The following COX6A1 variants were observed in gnomAD, a reference collection of about 807,000 sequenced individuals.
The protein encoded by COX6A1 is cytochrome c oxidase subunit 6A1, mitochondrial.
A neutral mutation model predicts 11.3 loss-of-function variants in COX6A1; 10 were observed. That is an observed-to-expected ratio of 0.88 (90% CI 0.54 to 1.50). The LOEUF is 1.50. Among genes scored for constraint, COX6A1 ranks in the 40% most tolerant of loss-of-function variants. The pLI, the probability that COX6A1 is intolerant of heterozygous loss-of-function variation, is 0.00. For synonymous variants in COX6A1, 81 were observed against 60.6 expected, an observed-to-expected ratio of 1.34 and a Z score of -1.57; for missense variants, 149 against 147.6, an observed-to-expected ratio of 1.01 and a Z score of -0.05.
In COX6A1 at chr12:120,438,120, A is replaced by G. The variant is rs1294727180; in HGVS notation, c.-7A>G. The G allele has an allele frequency of 6.2e-7, 1 of 1,613,020 alleles. No homozygotes were observed. The highest frequency in any genetic ancestry group is 8.5e-7 in the Non-Finnish European group (1 of 1,179,778). ...CGCTTCCGGCGCTGCGGCAGTCCAG[A>G]TCAAAAATGGCGGTAGTTGGTGTGT... On this transcript the variant is annotated 5_prime_UTR_variant, in exon 1 of 3. Coordinates refer to ENST00000229379, the MANE Select transcript of COX6A1 (RefSeq NM_004373.4).
chr12:120,438,787 T>TA, intron 2 of COX6A1: 2 of 289,628 alleles, frequency 6.9e-6, no homozygotes, highest in Non-Finnish European at 1.3e-5. Context: ...CTGAGACAGT[T>TA]CTTTTTTTTT....
intron 2 of COX6A1, among the ~76,000 whole-genome samples, chr12:120,439,603 T>C (rs1484510185): frequency 6.6e-6 from 1 of 152,022 alleles, no homozygotes; most frequent in Non-Finnish European, 1.5e-5. Context: ...GTTATTATTA[T>C]TATTATTATT....
At chr12:120,438,678 A>G in intron 2 of COX6A1, 157 bp downstream of exon 2, 1 of 966,264 alleles carries the variant, frequency 1.0e-6, no homozygotes, top group Non-Finnish European at 1.6e-6. Context: ...GTGGATGGAC[A>G]GCTGACACTT....
intron 2 of COX6A1, chr12:120,439,855 T>TTGC (rs1185096914): frequency 6.6e-6 from 1 of 152,614 alleles, no homozygotes; most frequent in Non-Finnish European, 1.5e-5. Flanking sequence ...GTGGCAGTAG[T>TTGC]ACCTGCGCAA....
At chr12:120,439,448 G>A (rs960772858) in intron 2 of COX6A1, among the ~76,000 whole-genome samples, 22 of 151,934 alleles carry the variant, frequency 1.4e-4, no homozygotes, top group African/African-American at 5.3e-4. Context: ...AATCTAGGAG[G>A]TTGAACCCAG....
intron 2 of COX6A1, chr12:120,438,788 CTT>C (rs376239130): frequency 0.048 from 5,741 of 118,878 alleles, no homozygotes; most frequent in South Asian, 0.11. Flanking sequence ...TGAGACAGTT[CTT>C]TTTTTTTTTT....
In COX6A1 at chr12:120,438,385, T is replaced by C. The variant is rs143732226; in HGVS notation, c.110T>C (p.Met37Thr). 20 of 1,614,074 alleles carry C rather than the reference T, an allele frequency of 1.2e-5. No individual in the cohort carries two copies. The East Asian group carries it at 3.8e-4, about 31-fold the overall frequency. The change falls in exon 2 of 3, where the codon ATG becomes ACG. Residue 37 changes from methionine to threonine, a missense_variant. Met to Thr is a moderately conservative substitution (Grantham distance 81). Coordinates refer to ENST00000229379, the MANE Select transcript of COX6A1 (RefSeq NM_004373.4). Reference protein sequence around the residue: ...GAHGEEGSARMWKTLTFFVAL... With the variant: ...GAHGEEGSARTWKTLTFFVAL... ...GTTTGTGGCTTCTCCGCAGCTCGCATGTGGAAGACTCTCACCTTCTTCGTC... is the reference window on the plus strand; with the variant it reads ...GTTTGTGGCTTCTCCGCAGCTCGCACGTGGAAGACTCTCACCTTCTTCGTC...
chr12:120,439,711 A>G (rs1047311906), intron 2 of COX6A1, among the ~76,000 whole-genome samples: 1 of 152,160 alleles, frequency 6.6e-6, no homozygotes, highest in African/African-American at 2.4e-5. Context: ...TCCTTGTACA[A>G]TGCAATTAGA....
intron 2 of COX6A1, among the ~76,000 whole-genome samples, chr12:120,439,320 A>G (rs569587041): frequency 1.3e-5 from 2 of 152,194 alleles, no homozygotes; most frequent in East Asian, 3.9e-4. Flanking sequence ...GGAGGTCAGG[A>G]GTTCAAGACC....
At chr12:120,440,381 T>C (rs1877692991) in intron 2 of COX6A1, 73 bp from the exon 3 acceptor site, 1 of 1,180,964 alleles carries the variant, frequency 8.5e-7, no homozygotes, top group Non-Finnish European at 1.3e-6. Flanking sequence ...GTCACCCCGT[T>C]ATAAGCAGTT....
chr12:120,440,378 C>T lies in COX6A1; in HGVS notation c.247-76C>T, dbSNP rs1877692858. On this transcript the variant is annotated intron_variant, in intron 2 of 2. Coordinates refer to ENST00000229379, the MANE Select transcript of COX6A1 (RefSeq NM_004373.4). ...TGTTTTTATATATGATCTGTCACCC[C>T]GTTATAAGCAGTTCATGACGGTGTT... The T allele has an allele frequency of 6.2e-6, 7 of 1,136,198 alleles. No homozygotes were observed. In the East Asian group the frequency reaches 9.6e-5, roughly 16 times the overall value. The allele number at this position is 1,136,198 out of a possible 1,614,324, so 70.4% of individuals were successfully genotyped here.
chr12:120,440,534 A>T lies in COX6A1; in HGVS notation c.327A>T (p.Glu109Asp), dbSNP rs1032448408. ...CACTTCCAACTGGCTACGAAGATGAATAAAGAGAATCTGGACCACTACCCG... is the reference window on the plus strand; with the variant it reads ...CACTTCCAACTGGCTACGAAGATGATTAAAGAGAATCTGGACCACTACCCG... ...VNPLPTGYEDE is the reference protein window; with the variant it reads ...VNPLPTGYEDD The change falls in exon 3 of 3, where the codon GAA becomes GAT. Residue 109 changes from glutamate to aspartate, a missense_variant. Transcript: ENST00000229379. 11 of 1,603,538 alleles carry T rather than the reference A, an allele frequency of 6.9e-6. No individual in the cohort carries two copies. The highest frequency in any genetic ancestry group is 9.4e-6 in the Non-Finnish European group (11 of 1,170,418).
Position 120,440,283 on chromosome 12 carries a change from T to C in COX6A1, c.247-171T>C. ...AGGATAACTTTAAGGGCTCCCCTGG[T>C]AGTTATAAGAGCTCCTTAAATAATG... On this transcript the variant is annotated intron_variant, in intron 2 of 2. Coordinates refer to ENST00000229379, the MANE Select transcript of COX6A1 (RefSeq NM_004373.4). 5 of 547,824 alleles carry C rather than the reference T, an allele frequency of 9.1e-6. No homozygotes were observed. The South Asian group carries it at 9.1e-5, about 10-fold the overall frequency. 33.9% of individuals were successfully genotyped at this position (547,824 alleles called of 1,614,324 possible). A position where few individuals can be genotyped will look rare whatever the true frequency, so the allele number is the denominator to read the frequency against.
chr12:120,438,267 CACTCGGGCGAG>C, intron 1 of COX6A1, 38 bp downstream of exon 1: 1 of 1,612,248 alleles, frequency 6.2e-7, no homozygotes, highest in Non-Finnish European at 8.5e-7. Context: ...GCCTCAGCCC[CACTCGGGCGAG>C]ACAGGGAGGG....
rs202037015 is a variant in COX6A1, at chr12:120,438,504, C to G, written c.229C>G (p.Leu77Val). ...ACCCGAGTTCATCGCCTACCCCCATCTCCGCATCAGGACCAAGGTACGCCC... is the reference window on the plus strand; with the variant it reads ...ACCCGAGTTCATCGCCTACCCCCATGTCCGCATCAGGACCAAGGTACGCCC... ...ERPEFIAYPHLRIRTKPFPWG... is the reference protein window; with the variant it reads ...ERPEFIAYPHVRIRTKPFPWG... The change falls in exon 2 of 3, where the codon CTC (leucine) becomes GTC (valine). Residue 77 changes from leucine (L) to valine (V), a missense_variant. Physicochemically the swap from Leu to Val is conservative, Grantham distance 32. Transcript: ENST00000229379. The G allele has an allele frequency of 1.0e-4, 164 of 1,614,118 alleles. No homozygotes were observed. Among genetic ancestry groups the G allele is most frequent in the African/African-American group, 6.7e-5 (5 of 74,948 alleles).
rs1412133014 is a variant in COX6A1 at position 120,440,481 on chromosome 12, A to C, written c.274A>C (p.Thr92Pro). ...GTTTCCCTGGGGAGATGGTAACCAT[A>C]CTCTATTCCATAACCCTCATGTGAA... Reference protein sequence around the residue: ...KPFPWGDGNHTLFHNPHVNPL... With the variant: ...KPFPWGDGNHPLFHNPHVNPL... Residue 92 changes from threonine to proline, a missense_variant, in exon 3 of 3, where the codon ACT (threonine) becomes CCT (proline). Physicochemically the swap from Thr to Pro is conservative, Grantham distance 38. Coordinates refer to ENST00000229379, the MANE Select transcript of COX6A1 (RefSeq NM_004373.4). 6.2e-7 allele frequency: 1 copy of C among 1,613,218 alleles called. No homozygotes were observed. Among genetic ancestry groups the C allele is most frequent in the African/African-American group, 1.3e-5 (1 of 74,900 alleles).
intron 2 of COX6A1, chr12:120,440,156 C>G (rs1877688239): frequency 4.0e-6 from 1 of 252,460 alleles, no homozygotes; most frequent in African/African-American, 2.2e-5. Context: ...AAACACAGCA[C>G]TGGATATACT....
intron 2 of COX6A1, among the ~76,000 whole-genome samples, chr12:120,439,233 T>A (rs572593455): frequency 6.6e-6 from 1 of 152,214 alleles, no homozygotes; most frequent in African/African-American, 2.4e-5. Context: ...CTTATTCTGA[T>A]TCTTCAATAC....
rs1037064677 is a variant in COX6A1 at position 120,438,454 on chromosome 12, A to G, written c.179A>G (p.Lys60Arg). 1 of 1,614,070 alleles carries G rather than the reference A, an allele frequency of 6.2e-7. No homozygotes were observed. The highest frequency in any genetic ancestry group is 1.3e-5 in the African/African-American group (1 of 74,948). ...VAVSMLNVYLKSHHGEHERPE... is the reference protein window; with the variant it reads ...VAVSMLNVYLRSHHGEHERPE... ...GTCAGCATGCTGAATGTGTACCTGA[A>G]GTCGCACCACGGAGAGCACGAGAGA... The change falls in exon 2 of 3, where the codon AAG becomes AGG. Residue 60 changes from lysine (K) to arginine (R), a missense_variant. Physicochemically the swap from Lys to Arg is conservative, Grantham distance 26. Coordinates refer to ENST00000229379, the MANE Select transcript of COX6A1 (RefSeq NM_004373.4).
Sources: gnomAD v4.1 joint callset for allele counts (sites outside exome capture counted in the v4.1 genomes callset) on GRCh38, gnomAD v4.1.1 for gene constraint, MANE v1.5 for transcripts, NCBI Gene and HGNC (gene_info 2026-07-23, HGNC 2026-07-21) for gene names.